MYBPC1: variants seen among roughly 807,000 people sequenced by gnomAD.
MYBPC1 encodes the protein myosin binding protein C1, also known as myosin-binding protein C, slow-type.
A neutral mutation model predicts 147.1 loss-of-function variants in MYBPC1; 52 were observed. The observed-to-expected ratio is 0.35, with a 90% CI of 0.28 to 0.45. The LOEUF (loss-of-function observed/expected upper bound fraction) is 0.45, where lower values mean the gene tolerates loss of function less well. MYBPC1 is among the 20% of genes least tolerant of loss of function. MYBPC1 has a pLI of 1.00. For synonymous variants in MYBPC1, 477 were observed against 475.9 expected (o/e 1.00, Z -0.03); for missense variants, 1,228 against 1,440.3 (o/e 0.85, Z 2.39).
intron 10 of MYBPC1, among the ~76,000 whole-genome samples, chr12:101,642,180 T>C (rs1892188850): frequency 6.6e-6 from 1 of 152,220 alleles, no homozygotes; most frequent in African/African-American, 2.4e-5. Context: ...AAAATTGTTT[T>C]TATTAACTAG....
intron 7 of MYBPC1, 108 bp from the exon 8 acceptor site, chr12:101,631,913 G>A: frequency 2.3e-6 from 3 of 1,303,136 alleles, no homozygotes; most frequent in Non-Finnish European, 3.3e-6. Flanking sequence ...CCCTCCTATA[G>A]TGAGAACATT....
intron 1 of MYBPC1, among the ~76,000 whole-genome samples, chr12:101,597,776 G>A (rs1043914566): frequency 1.3e-5 from 2 of 152,080 alleles, no homozygotes; most frequent in African/African-American, 2.4e-5. Flanking sequence ...TATGTTATTT[G>A]TACTGTCTAT....
Position 101,642,589 on chromosome 12 carries a change from AGC to A in MYBPC1, c.832+7_832+8del. ...AGAGAGGAGAAGAAGAGCGCAGGTG[AGC>A]GCTCCCGGGGGCGAGGCAGCGGCCG... is the stretch of plus-strand genomic sequence containing the variant. On this transcript the variant is annotated splice_donor_5th_base_variant and intron_variant, in intron 11 of 31. Coordinates refer to ENST00000361466, the MANE Select transcript of MYBPC1 (RefSeq NM_002465.4). The A allele has an allele frequency of 6.2e-7, 1 of 1,608,360 alleles. No homozygotes were observed. The highest frequency in any genetic ancestry group is 1.7e-5 in the Admixed American group (1 of 59,034).
chr12:101,681,861 G>A (rs182893845), intron 29 of MYBPC1, among the ~76,000 whole-genome samples: 12 of 151,500 alleles, frequency 7.9e-5, no homozygotes, highest in African/African-American at 2.9e-4. Context: ...CATCTGCCTT[G>A]GCCTCTCAAA....
intron 28 of MYBPC1, 56 bp downstream of exon 28, chr12:101,678,294 A>G (rs1234684157): frequency 3.6e-5 from 58 of 1,600,228 alleles, no homozygotes; most frequent in South Asian, 3.1e-4. Context: ...TTGTTGTGTT[A>G]TAATGTAAGT....
At position 101,627,817 on chromosome 12, in the gene MYBPC1, C is replaced by A. The variant is rs764883593; in HGVS notation, c.178+13C>A. On this transcript the variant is annotated intron_variant, in intron 5 of 31. Coordinates refer to ENST00000361466, the MANE Select transcript of MYBPC1 (RefSeq NM_002465.4). ...AGAAAAGATTCAGGTGAGCGCAAGC[C>A]CAGAGAAGGCATCCTGACCTCATCC... is the stretch of plus-strand genomic sequence containing the variant. 4 of 1,612,116 alleles carry A rather than the reference C, an allele frequency of 2.5e-6. No individual in the cohort carries two copies. Among genetic ancestry groups the A allele is most frequent in the African/African-American group, 1.3e-5 (1 of 74,814 alleles).
intron 1 of MYBPC1, among the ~76,000 whole-genome samples, chr12:101,598,918 C>A (rs1326347130): frequency 3.3e-5 from 5 of 152,154 alleles, no homozygotes; most frequent in South Asian, 2.1e-4. Flanking sequence ...CAGAAAAATT[C>A]TCTTCTAAAA....
chr12:101,663,068 T>C (rs1319790415), intron 21 of MYBPC1, among the ~76,000 whole-genome samples: 2 of 152,150 alleles, frequency 1.3e-5, no homozygotes, highest in Non-Finnish European at 2.9e-5. Context: ...AATGAGGTAT[T>C]TTTTTCAATG....
chr12:101,633,111 A>G (rs911194590), intron 8 of MYBPC1, among the ~76,000 whole-genome samples: 4 of 152,182 alleles, frequency 2.6e-5, no homozygotes, highest in Non-Finnish European at 4.4e-5. Context: ...TCTCTACAAC[A>G]TGCTACTTAT....
At chr12:101,601,707 G>T (rs1207425601) in intron 1 of MYBPC1, among the ~76,000 whole-genome samples, 1 of 152,032 alleles carries the variant, frequency 6.6e-6, no homozygotes, top group African/African-American at 2.4e-5. Flanking sequence ...TCAAATGTTA[G>T]ATCTTATGAT....
At chr12:101,659,252 A>G (rs559174535) in intron 18 of MYBPC1, among the ~76,000 whole-genome samples, 1 of 152,354 alleles carries the variant, frequency 6.6e-6, no homozygotes, top group East Asian at 1.9e-4. Flanking sequence ...AGTTTCTGAT[A>G]GGAGTTTGAG....
intron 10 of MYBPC1, among the ~76,000 whole-genome samples, chr12:101,640,562 G>A (rs1891822490): frequency 6.6e-6 from 1 of 152,172 alleles, no homozygotes. Context: ...TTTTGCTAAT[G>A]GTGTTGTCTA....
At chr12:101,687,172 C>T (rs1284496081), downstream of MYBPC1, among the ~76,000 whole-genome samples, 1 of 152,018 alleles carries the variant, frequency 6.6e-6, no homozygotes, top group Non-Finnish European at 1.5e-5. Flanking sequence ...GTGCTGCACC[C>T]ATTAACTCAT....
chr12:101,678,102 G>A lies in MYBPC1; in HGVS notation c.3110G>A (p.Gly1037Asp). 1 of 1,612,692 alleles carries A rather than the reference G, an allele frequency of 6.2e-7. No homozygotes were observed. The highest frequency in any genetic ancestry group is 8.5e-7 in the Non-Finnish European group (1 of 1,178,726). Residue 1037 changes from glycine (G) to aspartate (D), a missense_variant and splice_region_variant, in exon 28 of 32, where the codon GGT becomes GAT. This residue lies in a region of MYBPC1 where 1,077 missense variants were observed against 1,314.2 expected (regional missense o/e 0.82). Transcript: ENST00000361466. The stretch of plus-strand genomic sequence containing the variant: ...CATATTTGTAATGCTTGTTTTTAAG[G>A]TAAAATCTACAAAAATCCAGTGTAT... ...TKESAVIARD[G>D]KIYKNPVYED...
In MYBPC1 at chr12:101,631,717, C is replaced by A. The variant is rs754364333; in HGVS notation, c.436C>A (p.Arg146=). Residue 146 remains arginine (R), a splice_region_variant and synonymous_variant, in exon 7 of 32, where the codon CGG becomes AGG. Coordinates refer to ENST00000361466, the MANE Select transcript of MYBPC1 (RefSeq NM_002465.4). ...QLKETFERHS[R]VYTFEMQIIK... ...GAAGGAAACCTTTGAGAGGCACAGT[C>A]GGGTAAGGCCCTGAACTCCCAGGAC... 2.5e-6 allele frequency: 4 copies of A among 1,613,988 alleles called. No homozygotes were observed. In the South Asian group the frequency reaches 3.3e-5, roughly 13 times the overall value.
chr12:101,675,089 T>A (rs1221914980), intron 25 of MYBPC1, among the ~76,000 whole-genome samples: 1 of 151,818 alleles, frequency 6.6e-6, no homozygotes, highest in Admixed American at 6.6e-5. Context: ...TTGCAGGGAG[T>A]GTTGAGGCTG....
At position 101,653,229 on chromosome 12, in the gene MYBPC1, T is replaced by G. The variant is rs767284171; in HGVS notation, c.1748T>G (p.Met583Arg). ...AGCGGAGAACCACCTCCTAAAGCCATGTGGAGCCGGGGAGATAAGGTTTGT... is the reference window on the plus strand; with the variant it reads ...AGCGGAGAACCACCTCCTAAAGCCAGGTGGAGCCGGGGAGATAAGGTTTGT... ...PISGEPPPKA[M>R]WSRGDKAIME... The change falls in exon 18 of 32, where the codon ATG becomes AGG. Residue 583 changes from methionine to arginine, a missense_variant. Transcript: ENST00000361466. 5 of 1,614,070 alleles carry G rather than the reference T, an allele frequency of 3.1e-6. No individual in the cohort carries two copies. The highest frequency in any genetic ancestry group is 4.2e-6 in the Non-Finnish European group (5 of 1,180,020).
At chr12:101,648,512 T>G (rs1893706229) in intron 14 of MYBPC1, among the ~76,000 whole-genome samples, 1 of 152,228 alleles carries the variant, frequency 6.6e-6, no homozygotes, top group African/African-American at 2.4e-5. Flanking sequence ...AAAACATATT[T>G]AGTGTTTAGT....
At chr12:101,602,164 G>A (rs141464567) in intron 1 of MYBPC1, among the ~76,000 whole-genome samples, 1 of 152,042 alleles carries the variant, frequency 6.6e-6, no homozygotes, top group East Asian at 1.9e-4. Context: ...CAACTCTTTG[G>A]GTCTCAGTAA....
Sources: gnomAD v4.1 joint callset for allele counts (sites outside exome capture counted in the v4.1 genomes callset) on GRCh38, gnomAD v4.1.1 for gene constraint, gnomAD v4.1.1 regional missense constraint, MANE v1.5 for transcripts, NCBI Gene and HGNC (gene_info 2026-07-23, HGNC 2026-07-21) for gene names.